The following NCOR2 variants were observed in gnomAD, a reference collection of about 807,000 sequenced individuals.
NCOR2 encodes nuclear receptor corepressor 2.
Under a neutral mutation model 262.9 loss-of-function variants are expected in NCOR2, and 81 were observed. That is an observed-to-expected ratio of 0.31 (90% CI 0.26 to 0.37). NCOR2 has a LOEUF of 0.37. Ranked by LOEUF, NCOR2 falls within the 10% of genes least tolerant of loss-of-function variation. The pLI is 1.00. For synonymous variants in NCOR2, 1,659 were observed against 1,559.3 expected (o/e 1.06, Z -1.51); for missense variants, 3,385 against 3,621.4 (o/e 0.93, Z 1.68).
chr12:124,348,279 C>A (rs201631835), exon 29 of NCOR2: 1 of 1,612,742 alleles, frequency 6.2e-7, no homozygotes, highest in East Asian at 2.2e-5. Context: ...CTGCTTCTGC[C>A]GTCCTCCTTG....
chr12:124,483,228 G>T lies in NCOR2; in HGVS notation c.411+368C>A, dbSNP rs1159460689. 1.3e-5 allele frequency among the ~76,000 whole-genome samples: 2 copies of T among 151,960 alleles called. No individual in the cohort carries two copies. Among genetic ancestry groups the T allele is most frequent in the Non-Finnish European group, 2.9e-5 (2 of 67,976 alleles). On this transcript the variant is annotated intron_variant, in intron 3 of 46. Transcript: ENST00000405201. This position sits in a 1 kb window ranked among gnomAD's most constrained non-coding sequence, Gnocchi z 6.3. ...GAAAGCTGCCCACCGACCACAGGAC[G>T]GTCCTGACCCCCATCGAATGGCAGC...
intron 8 of NCOR2, among the ~76,000 whole-genome samples, chr12:124,433,477 G>A (rs770570970): frequency 6.6e-5 from 10 of 152,200 alleles, no homozygotes; most frequent in African/African-American, 1.9e-4. Context: ...CCGGCAGGGC[G>A]CTGGCAAGAC....
chr12:124,501,157 T>C (rs1487034219), intron 1 of NCOR2, among the ~76,000 whole-genome samples: 1 of 150,948 alleles, frequency 6.6e-6, no homozygotes, highest in Non-Finnish European at 1.5e-5. Flanking sequence ...AAAGCCCCCC[T>C]GGGGTGGGCG....
chr12:124,415,600 A>T (rs1224535461), intron 13 of NCOR2, among the ~76,000 whole-genome samples: 1 of 152,178 alleles, frequency 6.6e-6, no homozygotes, highest in African/African-American at 2.4e-5. Context: ...ACAGACAGGG[A>T]CCTCCTGCCC....
At chr12:124,466,218 C>T (rs980569408) in exon 5 of NCOR2, 1 of 1,610,666 alleles carries the variant, frequency 6.2e-7, no homozygotes, top group African/African-American at 1.3e-5. Flanking sequence ...GGTGCTTCGA[C>T]TCGATGGGCG....
In NCOR2 at chr12:124,487,420, C is replaced by T. The variant is rs180724545; in HGVS notation, c.106-852G>A. ...CCTTCCTCCTTTAATAACACACCGT[C>T]GTCCATTTGACAAAGACTCTCCTTG... On this transcript the variant is annotated intron_variant, in intron 1 of 46. Coordinates refer to ENST00000405201, the Ensembl canonical transcript of NCOR2. Among the ~76,000 whole-genome samples the T allele has an allele frequency of 5.1e-4, 77 of 152,378 alleles. No individual in the cohort carries two copies. In the Middle Eastern group the frequency reaches 0.01, roughly 20 times the overall value.
At chr12:124,329,004 C>G (rs2034938868) in intron 44 of NCOR2, 1 of 417,218 alleles carries the variant, frequency 2.4e-6, no homozygotes, top group South Asian at 1.7e-5. Flanking sequence ...GCTGAAATCA[C>G]AGCAGCGCGA....
At chr12:124,349,378 C>T (rs1056530817) in intron 28 of NCOR2, among the ~76,000 whole-genome samples, 1 of 152,194 alleles carries the variant, frequency 6.6e-6, no homozygotes, top group African/African-American at 2.4e-5. Flanking sequence ...ACCATTGCTT[C>T]GTGTGGCCCA....
At position 124,340,180 on chromosome 12, in the gene NCOR2, C is replaced by CTGCTGCCGA. The variant is rs763792604; in HGVS notation, c.5512_5513insTCGGCAGCA (p.Ser1837_Ser1838insIleGlySer). On this transcript the variant is annotated inframe_insertion, in exon 37 of 47. Coordinates refer to ENST00000405201, the Ensembl canonical transcript of NCOR2. ...GCTGCTGCTGCCCCCACCCCCGCCG[C>CTGCTGCCGA]TGCTGCCGCTGCTCTGCTCTGTACC... 6.0e-4 allele frequency: 959 copies of CTGCTGCCGA among 1,607,126 alleles called. 2 individuals carry two copies. Among genetic ancestry groups the CTGCTGCCGA allele is most frequent in the Non-Finnish European group, 7.5e-4 (883 of 1,177,358 alleles).
At chr12:124,324,642 T>C (rs1484984252) in exon 47 of NCOR2, 2 of 152,368 alleles carry the variant, frequency 1.3e-5, no homozygotes, top group African/African-American at 4.8e-5. Flanking sequence ...TAAGCAGAGA[T>C]CAAAAGCACA....
intron 1 of NCOR2, among the ~76,000 whole-genome samples, chr12:124,528,697 A>C (rs1209133796): frequency 6.6e-6 from 1 of 152,204 alleles, no homozygotes; most frequent in Non-Finnish European, 1.5e-5. Context: ...CCTGGCCCCA[A>C]CCAGCCACCA....
At chr12:124,546,571 C>T (rs1273901100) in intron 1 of NCOR2, among the ~76,000 whole-genome samples, 1 of 152,152 alleles carries the variant, frequency 6.6e-6, no homozygotes, top group African/African-American at 2.4e-5. Context: ...TCTGCCATCA[C>T]GCTCAGCTAA....
chr12:124,363,805 G>A lies in NCOR2; in HGVS notation c.2808-6C>T, dbSNP rs2038800779. On this transcript the variant is annotated splice_region_variant and splice_polypyrimidine_tract_variant and intron_variant, in intron 20 of 46. Coordinates refer to ENST00000405201, the Ensembl canonical transcript of NCOR2. ...TGGGCCTTGGGGACAGCAGCCTGCG[G>A]GCACACGAGCACCATCAGCTGGGGG... is the stretch of plus-strand genomic sequence containing the variant. The A allele has an allele frequency of 7.4e-7, 1 of 1,345,758 alleles. No homozygotes were observed. Among genetic ancestry groups the A allele is most frequent in the Middle Eastern group, 2.0e-4 (1 of 4,886 alleles). 83.4% of individuals were successfully genotyped at this position (1,345,758 alleles called of 1,614,324 possible).
exon 11 of NCOR2, chr12:124,426,799 T>G: frequency 6.4e-7 from 1 of 1,574,500 alleles, no homozygotes; most frequent in Non-Finnish European, 8.7e-7. Context: ...CTTCTCCAGG[T>G]TCTGCAGGGA....
chr12:124,452,233 G>T (rs2045590905), intron 6 of NCOR2, among the ~76,000 whole-genome samples: 1 of 152,198 alleles, frequency 6.6e-6, no homozygotes, highest in African/African-American at 2.4e-5. Context: ...CCCTGCAGAG[G>T]GTGCGAATCC....
intron 34 of NCOR2, 89 bp downstream of exon 36, chr12:124,341,734 C>G: frequency 6.5e-7 from 1 of 1,528,396 alleles, no homozygotes; most frequent in South Asian, 1.2e-5. Flanking sequence ...GTGACCAGGT[C>G]TAGCTGCCTC....
rs1555297244 is a variant in NCOR2 at position 124,325,382 on chromosome 12, C to CCCG, written c.*19_*20insCGG. The stretch of plus-strand genomic sequence containing the variant: ...GCTCGCTGGGACCTGACACCGCCCC[C>CCCG]CCCCCCGCCCTGTTCTGAGTCACTC... On this transcript the variant is annotated 3_prime_UTR_variant, in exon 47 of 47. Transcript: ENST00000405201. The CCCG allele has an allele frequency of 9.9e-5, 41 of 412,982 alleles. 6 individuals carry two copies. The highest frequency in any genetic ancestry group is 2.4e-4 in the South Asian group (3 of 12,420). The allele number at this position is 412,982 out of a possible 1,614,324, so 25.6% of individuals were successfully genotyped here. A position where few individuals can be genotyped will look rare whatever the true frequency, so the allele number is the denominator to read the frequency against.
chr12:124,377,842 AAAAAAAAAAC>A (rs1267232758), intron 18 of NCOR2, among the ~76,000 whole-genome samples: 2 of 151,892 alleles, frequency 1.3e-5, no homozygotes, highest in African/African-American at 2.4e-5. Flanking sequence ...CCGTCTGAAA[AAAAAAAAAAC>A]AAAAAAAAAC....
At chr12:124,334,343 T>A in intron 41 of NCOR2, 81 bp downstream of exon 43, 1 of 1,098,018 alleles carries the variant, frequency 9.1e-7, no homozygotes, top group Admixed American at 2.4e-5. Context: ...GCAGCTGAGC[T>A]CAGACCCAGC....
Sources: allele counts gnomAD v4.1 joint callset (sites outside exome capture counted in the v4.1 genomes callset), GRCh38; gene constraint gnomAD v4.1.1; non-coding constraint Gnocchi (gnomAD v3.1); transcripts MANE v1.5; gene names NCBI Gene and HGNC (gene_info 2026-07-23, HGNC 2026-07-21).